WDR27: variants seen among roughly 807,000 people sequenced by gnomAD.
WDR27 encodes the protein WD repeat-containing protein 27.
In WDR27, 100 loss-of-function variants were observed where a neutral mutation model predicts 114.4. The ratio of observed to expected loss-of-function variants is 0.87; its 90% confidence interval spans 0.74 to 1.03. The LOEUF is 1.03. WDR27 is among the 50% of genes least tolerant of loss of function. The pLI, the probability that WDR27 is intolerant of heterozygous loss-of-function variation, is 0.00. For synonymous variants in WDR27, 449 were observed against 423.1 expected (o/e 1.06, Z -0.75); for missense variants, 1,129 against 1,092.9 (o/e 1.03, Z -0.47).
intron 25 of WDR27, among the ~76,000 whole-genome samples, chr6:169,513,686 GTTTA>G (rs577675580): frequency 1.3e-5 from 2 of 151,448 alleles, no homozygotes; most frequent in Non-Finnish European, 1.5e-5. Flanking sequence ...TAAACAATGT[GTTTA>G]TTTATAAGTA....
At chr6:169,502,287 C>G (rs1008225156) in intron 25 of WDR27, among the ~76,000 whole-genome samples, 4 of 152,192 alleles carry the variant, frequency 2.6e-5, no homozygotes, top group African/African-American at 9.6e-5. Flanking sequence ...GACTCACGTG[C>G]TGGGGATGTG....
intron 13 of WDR27, among the ~76,000 whole-genome samples, chr6:169,656,475 A>G (rs926909709): frequency 6.6e-6 from 1 of 151,440 alleles, no homozygotes; most frequent in Non-Finnish European, 1.5e-5. Context: ...GAATGGTAGG[A>G]GGTGAGACTG....
intron 22 of WDR27, among the ~76,000 whole-genome samples, chr6:169,608,860 G>A (rs1269372067): frequency 1.3e-5 from 2 of 152,168 alleles, no homozygotes; most frequent in African/African-American, 4.8e-5. Context: ...TTCTGCCTAT[G>A]AGCCTGTAAT....
intron 21 of WDR27, among the ~76,000 whole-genome samples, chr6:169,622,126 C>A (rs1813503354): frequency 6.6e-6 from 1 of 152,214 alleles, no homozygotes; most frequent in South Asian, 2.1e-4. Context: ...CTTATGTACC[C>A]AGGACCTGAA....
chr6:169,469,093 T>C (rs1269551654), intron 25 of WDR27, among the ~76,000 whole-genome samples: 1 of 152,170 alleles, frequency 6.6e-6, no homozygotes, highest in Non-Finnish European at 1.5e-5. Context: ...CATATAAATT[T>C]TGAGGAAATA....
At chr6:169,519,636 C>T (rs544866000) in intron 25 of WDR27, among the ~76,000 whole-genome samples, 17 of 152,134 alleles carry the variant, frequency 1.1e-4, no homozygotes, top group Non-Finnish European at 2.1e-4. Context: ...CACCTCCCAC[C>T]AGGCCCTCCC....
intron 25 of WDR27, among the ~76,000 whole-genome samples, chr6:169,557,192 G>C (rs987594141): frequency 2.6e-5 from 4 of 152,204 alleles, no homozygotes; most frequent in African/African-American, 9.6e-5. Flanking sequence ...CCCACACAGG[G>C]GAAAATGCCT....
the WDR27 span, among the ~76,000 whole-genome samples, chr6:169,450,004 A>G: frequency 1.3e-5 from 2 of 152,202 alleles, no homozygotes; most frequent in Non-Finnish European, 2.9e-5. Flanking sequence ...TTTTCTTTGT[A>G]TATTTTAATT....
intron 25 of WDR27, among the ~76,000 whole-genome samples, chr6:169,544,889 T>C (rs1797260140): frequency 1.3e-5 from 2 of 152,336 alleles, no homozygotes; most frequent in Admixed American, 1.3e-4. Context: ...TTACAAAATG[T>C]TGACAAAAGA....
intron 25 of WDR27, among the ~76,000 whole-genome samples, chr6:169,551,810 G>A (rs1002355929): frequency 7.9e-5 from 12 of 151,428 alleles, no homozygotes; most frequent in African/African-American, 2.4e-4. Flanking sequence ...GAGTAAAGAC[G>A]ATTCTGGCTT....
At chr6:169,594,432 AT>A (rs1806380472) in intron 23 of WDR27, among the ~76,000 whole-genome samples, 1 of 152,218 alleles carries the variant, frequency 6.6e-6, no homozygotes, top group Non-Finnish European at 1.5e-5. Flanking sequence ...CTACAAGATA[AT>A]GCATTATCAA....
chr6:169,512,138 T>C (rs1335216615), intron 25 of WDR27, among the ~76,000 whole-genome samples: 3 of 152,184 alleles, frequency 2.0e-5, no homozygotes, highest in African/African-American at 7.2e-5. Flanking sequence ...TGACAAAATA[T>C]ATTTTTTAGA....
At chr6:169,666,456 T>C (rs1268311744) in intron 6 of WDR27, 1 of 985,352 alleles carries the variant, frequency 1.0e-6, no homozygotes, top group East Asian at 1.1e-4. Flanking sequence ...CCTAACTCTC[T>C]TCTTCTGGGA....
At chr6:169,622,289 TGTC>T (rs1439231514) in intron 21 of WDR27, among the ~76,000 whole-genome samples, 2 of 152,150 alleles carry the variant, frequency 1.3e-5, no homozygotes, top group Non-Finnish European at 2.9e-5. Context: ...CTCGGGCAAA[TGTC>T]GTCAGGACCT....
chr6:169,692,430 TGTGG>T lies in WDR27; in HGVS notation c.-7-3422_-7-3419del, dbSNP rs1291294883. 2.0e-5 allele frequency among the ~76,000 whole-genome samples: 3 copies of T among 152,190 alleles called. No individual in the cohort carries two copies. The East Asian group carries it at 5.8e-4, about 29-fold the overall frequency. ...ATATGAGCACAGGAGCTGCCAACAC[TGTGG>T]ACAGATGGGGAGGGGCAAGACCTGA... On this transcript the variant is annotated intron_variant, in intron 1 of 25. Coordinates refer to ENST00000448612, the MANE Select transcript of WDR27 (RefSeq NM_182552.5).
intron 25 of WDR27, among the ~76,000 whole-genome samples, chr6:169,541,038 A>C (rs895932676): frequency 6.6e-6 from 1 of 152,198 alleles, no homozygotes; most frequent in Admixed American, 6.5e-5. Flanking sequence ...TCTATCTGAA[A>C]TAAGCCTCCC....
intron 23 of WDR27, among the ~76,000 whole-genome samples, chr6:169,585,906 A>G (rs1584404152): frequency 6.6e-6 from 1 of 151,958 alleles, no homozygotes; most frequent in East Asian, 1.9e-4. Flanking sequence ...TCTGCCTGAC[A>G]TTTTTGCTTT....
At chr6:169,602,946 A>G (rs1808320838) in intron 22 of WDR27, among the ~76,000 whole-genome samples, 1 of 150,666 alleles carries the variant, frequency 6.6e-6, no homozygotes, top group African/African-American at 2.5e-5. Context: ...GGTTCAAGCA[A>G]TTCTCCAGCC....
chr6:169,454,050 G>T (rs963416435), downstream of WDR27, among the ~76,000 whole-genome samples: 6 of 152,042 alleles, frequency 3.9e-5, no homozygotes, highest in Admixed American at 1.3e-4. Context: ...ATTAAGTTGG[G>T]AACATACAGA....
Sources: gnomAD v4.1 joint callset for allele counts (sites outside exome capture counted in the v4.1 genomes callset) on GRCh38, gnomAD v4.1.1 for gene constraint, MANE v1.5 for transcripts, NCBI Gene and HGNC (gene_info 2026-07-23, HGNC 2026-07-21) for gene names.